Variants in CACNA2D3 observed in about 807,000 individuals in gnomAD.
The protein encoded by CACNA2D3 is voltage-dependent calcium channel subunit alpha-2/delta-3.
CACNA2D3 carries 60 observed loss-of-function variants against 160.6 expected under a neutral mutation model. The observed-to-expected ratio is 0.37, with a 90% CI of 0.30 to 0.46. CACNA2D3 has a LOEUF of 0.46. CACNA2D3 is among the 20% of genes least tolerant of loss of function. The probability of loss-of-function intolerance (pLI) is 1.00; values close to 1 mark genes in which losing one functional copy is unlikely to be tolerated. For missense variants in CACNA2D3, 1,205 were observed against 1,365.0 expected (o/e 0.88, Z 1.85); for synonymous variants, 558 against 492.9 (o/e 1.13, Z -1.75).
chr3:54,389,128 CT>C (rs1397307652), intron 4 of CACNA2D3, among the ~76,000 whole-genome samples: 3 of 152,048 alleles, frequency 2.0e-5, no homozygotes, highest in Admixed American at 2.0e-4. Flanking sequence ...AACCCTGTCT[CT>C]ACTAAAAATA....
At position 55,011,768 on chromosome 3, in the gene CACNA2D3, A is replaced by G. The variant is rs1559463117; in HGVS notation, c.2875+2325A>G. Among the ~76,000 whole-genome samples the G allele has an allele frequency of 2.0e-5, 3 of 152,276 alleles. No individual in the cohort carries two copies. The East Asian group carries it at 5.8e-4, about 29-fold the overall frequency. On this transcript the variant is annotated intron_variant, in intron 34 of 37. Transcript: ENST00000474759. ...AAGACTATCATGTCCCCGAAAGGAAATCTTACCTGTAGTGTCAACTTGCTT... is the reference window on the plus strand; with the variant it reads ...AAGACTATCATGTCCCCGAAAGGAAGTCTTACCTGTAGTGTCAACTTGCTT...
chr3:55,012,826 G>C (rs904385162), intron 34 of CACNA2D3, among the ~76,000 whole-genome samples: 6 of 152,114 alleles, frequency 3.9e-5, no homozygotes, highest in African/African-American at 9.7e-5. Context: ...TGCAGAGTAG[G>C]GGACAGTGAC....
At chr3:54,498,437 C>A (rs1701237988) in intron 4 of CACNA2D3, among the ~76,000 whole-genome samples, 1 of 152,046 alleles carries the variant, frequency 6.6e-6, no homozygotes, top group South Asian at 2.1e-4. Flanking sequence ...TTTCCTCTTT[C>A]ATCCCAGATA....
chr3:54,992,164 G>A (rs935296106), intron 31 of CACNA2D3, among the ~76,000 whole-genome samples: 3 of 152,150 alleles, frequency 2.0e-5, no homozygotes, highest in African/African-American at 7.2e-5. Flanking sequence ...CCAGGCACTT[G>A]TGCTCTTTAA....
intron 11 of CACNA2D3, among the ~76,000 whole-genome samples, chr3:54,643,187 A>G (rs1201093381): frequency 6.6e-6 from 1 of 152,216 alleles, no homozygotes; most frequent in Non-Finnish European, 1.5e-5. Flanking sequence ...TGTTTTGCAT[A>G]CTTAATTTCT....
intron 18 of CACNA2D3, among the ~76,000 whole-genome samples, chr3:54,874,224 A>G (rs772556307): frequency 6.6e-6 from 1 of 152,222 alleles, no homozygotes; most frequent in African/African-American, 2.4e-5. Flanking sequence ...ATTTAAAACT[A>G]TTTATAGCAG....
At chr3:54,642,337 AATCTCATAATG>A (rs1699540229) in intron 11 of CACNA2D3, 96 bp downstream of exon 11, 2 of 607,412 alleles carry the variant, frequency 3.3e-6, no homozygotes, top group East Asian at 6.5e-5. Flanking sequence ...ATGTAGACTT[AATCTCATAATG>A]ATCTGTGGTT....
At chr3:54,181,271 T>G (rs753597174) in intron 2 of CACNA2D3, among the ~76,000 whole-genome samples, 7 of 152,240 alleles carry the variant, frequency 4.6e-5, no homozygotes, top group Non-Finnish European at 8.8e-5. Flanking sequence ...GTTGCTGCTA[T>G]TAATCAAGAT....
chr3:54,410,720 T>C (rs568833964), intron 4 of CACNA2D3, among the ~76,000 whole-genome samples: 1 of 152,188 alleles, frequency 6.6e-6, no homozygotes, highest in Non-Finnish European at 1.5e-5. Flanking sequence ...AAGAGATTAA[T>C]GTTGTTTTCA....
intron 11 of CACNA2D3, among the ~76,000 whole-genome samples, chr3:54,687,352 C>T (rs1360649617): frequency 6.7e-6 from 1 of 150,036 alleles, no homozygotes; most frequent in Non-Finnish European, 1.5e-5. Flanking sequence ...GGGGTTTCAC[C>T]ATGTTGGCCA....
At chr3:54,442,835 G>A (rs78046171) in intron 4 of CACNA2D3, among the ~76,000 whole-genome samples, 1 of 152,268 alleles carries the variant, frequency 6.6e-6, no homozygotes, top group African/African-American at 2.4e-5. Context: ...GAAACAGAGG[G>A]TCCTGTCGTA....
rs535258336 is a variant in CACNA2D3 at position 54,638,547 on chromosome 3, A to G, written c.1054-3581A>G. On this transcript the variant is annotated intron_variant, in intron 10 of 37. Coordinates refer to ENST00000474759, the MANE Select transcript of CACNA2D3 (RefSeq NM_018398.3). ...CTGGCAAGGAGCAGCCTGGGGAGGA[A>G]GGGAGAGGTCAGATGGGTCTGTAGA... 2.6e-5 allele frequency: 4 copies of G among 151,900 alleles called. No homozygotes were observed. In the South Asian group the frequency reaches 6.2e-4, roughly 24 times the overall value. 9.4% of individuals were successfully genotyped at this position (151,900 alleles called of 1,614,324 possible).
At chr3:54,136,717 G>A (rs577784914) in intron 2 of CACNA2D3, among the ~76,000 whole-genome samples, 2 of 152,192 alleles carry the variant, frequency 1.3e-5, no homozygotes, top group South Asian at 4.1e-4. Context: ...TCTGGCTTCT[G>A]AGCCTCAATT....
At chr3:55,001,816 A>G (rs947462168) in intron 31 of CACNA2D3, among the ~76,000 whole-genome samples, 5 of 152,230 alleles carry the variant, frequency 3.3e-5, no homozygotes, top group African/African-American at 1.2e-4. Context: ...TAATTGTTTA[A>G]TAAGTCAGGA....
chr3:54,493,416 G>A (rs1014439027), intron 4 of CACNA2D3, among the ~76,000 whole-genome samples: 1 of 152,142 alleles, frequency 6.6e-6, no homozygotes, highest in Non-Finnish European at 1.5e-5. Context: ...GATCAAAAAT[G>A]TTTGGAATCC....
intron 4 of CACNA2D3, among the ~76,000 whole-genome samples, chr3:54,420,896 T>C (rs189448700): frequency 5.9e-5 from 9 of 152,366 alleles, no homozygotes; most frequent in Admixed American, 5.2e-4. Context: ...CATTTTTCTT[T>C]GATCTGGTAG....
chr3:54,922,274 C>G (rs6445709), intron 27 of CACNA2D3, among the ~76,000 whole-genome samples: 101,155 of 151,624 alleles, frequency 0.67, 34,427 homozygotes, highest in African/African-American at 0.79. Context: ...GAGTAGGGCA[C>G]ATTTCATCCC....
intron 9 of CACNA2D3, among the ~76,000 whole-genome samples, chr3:54,625,507 A>G (rs1699077534): frequency 6.6e-6 from 1 of 151,962 alleles, no homozygotes; most frequent in Non-Finnish European, 1.5e-5. Flanking sequence ...TTAAGGGCCT[A>G]ACACCAGGCA....
At chr3:54,369,766 T>C (rs544911945) in intron 3 of CACNA2D3, among the ~76,000 whole-genome samples, 14 of 152,348 alleles carry the variant, frequency 9.2e-5, no homozygotes, top group African/African-American at 3.4e-4. Flanking sequence ...GCCTCAGTAG[T>C]GGCAAGTCAT....
Sources: gnomAD v4.1 joint callset for allele counts (sites outside exome capture counted in the v4.1 genomes callset) on GRCh38, gnomAD v4.1.1 for gene constraint, MANE v1.5 for transcripts, NCBI Gene and HGNC (gene_info 2026-07-23, HGNC 2026-07-21) for gene names.